The following ROCK2 variants were observed in gnomAD, a reference collection of about 807,000 sequenced individuals.
ROCK2 encodes Rho associated coiled-coil containing protein kinase 2.
ROCK2 carries 61 observed loss-of-function variants against 195.1 expected under a neutral mutation model. That is an observed-to-expected ratio of 0.31 (90% CI 0.25 to 0.39). The LOEUF (loss-of-function observed/expected upper bound fraction) is 0.39, where lower values mean the gene tolerates loss of function less well. Ranked by LOEUF, ROCK2 falls within the 10% of genes least tolerant of loss-of-function variation. The pLI, the probability that ROCK2 is intolerant of heterozygous loss-of-function variation, is 1.00. For synonymous variants in ROCK2, 504 were observed against 545.5 expected (o/e 0.92, Z 1.06); for missense variants, 1,109 against 1,637.4 (o/e 0.68, Z 5.57).
At chr2:11,274,097 T>A (rs35515036) in intron 3 of ROCK2, among the ~76,000 whole-genome samples, 60,283 of 151,276 alleles carry the variant, frequency 0.4, 13,533 homozygotes, top group Admixed American at 0.52. Context: ...CTTAACGGAA[T>A]ACAGCAAAAG....
Position 11,287,793 on chromosome 2 carries a change from A to T in ROCK2, c.142-57T>A, listed in dbSNP as rs185337507. 2.7e-4 allele frequency: 184 copies of T among 693,852 alleles called. No individual in the cohort carries two copies. In the African/African-American group the frequency reaches 2.8e-3, roughly 11 times the overall value. The allele number at this position is 693,852 out of a possible 1,614,324, so 43.0% of individuals were successfully genotyped here. ...TTTTACAATTTCCAAGCATTCATTT[A>T]AAAAAGTCTTTTAATTTTATTTATG... On this transcript the variant is annotated intron_variant, in intron 1 of 32. Coordinates refer to ENST00000315872, the MANE Select transcript of ROCK2 (RefSeq NM_004850.5).
At chr2:11,276,035 T>G (rs1025598431) in intron 3 of ROCK2, among the ~76,000 whole-genome samples, 4 of 152,082 alleles carry the variant, frequency 2.6e-5, no homozygotes, top group African/African-American at 9.7e-5. Context: ...AAGAAAACAC[T>G]GAACAAACCA....
intron 3 of ROCK2, among the ~76,000 whole-genome samples, chr2:11,263,498 T>C (rs1170472147): frequency 1.3e-5 from 2 of 151,902 alleles, no homozygotes; most frequent in Non-Finnish European, 2.9e-5. Flanking sequence ...CTAAGTAAGA[T>C]AATCTTCCCG....
rs2148076808 is a variant in ROCK2 at position 11,222,244 on chromosome 2, G to T, written c.1008-70C>A. ...TAAAAAGATTAACTCTATGTCAACA[G>T]TTTAACCAAAATAAAGATCTCAAGT... On this transcript the variant is annotated intron_variant, in intron 7 of 32. Coordinates refer to ENST00000315872, the MANE Select transcript of ROCK2 (RefSeq NM_004850.5). 7 of 831,638 alleles carry T rather than the reference G, an allele frequency of 8.4e-6. No homozygotes were observed. In the East Asian group the frequency reaches 1.9e-4, roughly 22 times the overall value. The allele number at this position is 831,638 out of a possible 1,614,324, so 51.5% of individuals were successfully genotyped here. A position where few individuals can be genotyped will look rare whatever the true frequency, so the allele number is the denominator to read the frequency against.
intron 3 of ROCK2, among the ~76,000 whole-genome samples, chr2:11,263,436 C>T (rs1666302741): frequency 6.6e-6 from 1 of 151,970 alleles, no homozygotes. Flanking sequence ...AGTAAGGGTT[C>T]TCCTTTTCTT....
chr2:11,268,616 C>T (rs1666512315), intron 3 of ROCK2, among the ~76,000 whole-genome samples: 1 of 151,940 alleles, frequency 6.6e-6, no homozygotes, highest in Non-Finnish European at 1.5e-5. Flanking sequence ...GGCCCACTGT[C>T]TCCTGGCCTC....
In ROCK2 at chr2:11,180,837, TA is replaced by T. The variant is rs1179748819; in HGVS notation, c.*2599del. ...TGATAGGTGCATGCACTCATGTATGTACATGAAAGCGGCAATGCGGTAAAAA... is the reference window on the plus strand; with the variant it reads ...TGATAGGTGCATGCACTCATGTATGTCATGAAAGCGGCAATGCGGTAAAAA... On this transcript the variant is annotated 3_prime_UTR_variant, in exon 33 of 33. Transcript: ENST00000315872. The T allele has an allele frequency of 6.6e-6, 1 of 152,210 alleles. No individual in the cohort carries two copies. Among genetic ancestry groups the T allele is most frequent in the African/African-American group, 2.4e-5 (1 of 41,448 alleles). The allele number at this position is 152,210 out of a possible 1,614,324, so 9.4% of individuals were successfully genotyped here. A position where few individuals can be genotyped will look rare whatever the true frequency, so the allele number is the denominator to read the frequency against.
intron 3 of ROCK2, among the ~76,000 whole-genome samples, chr2:11,252,094 A>G (rs1486712103): frequency 1.3e-5 from 2 of 152,190 alleles, no homozygotes; most frequent in Non-Finnish European, 2.9e-5. Context: ...ACTGTGGAAG[A>G]CAGTGTGGCA....
At chr2:11,258,840 G>C (rs1177885558) in intron 3 of ROCK2, among the ~76,000 whole-genome samples, 1 of 150,938 alleles carries the variant, frequency 6.6e-6, no homozygotes, top group Non-Finnish European at 1.5e-5. Flanking sequence ...GGGGTAAAGA[G>C]GACACTGGTG....
At chr2:11,284,038 T>G (rs1667106504) in intron 3 of ROCK2, among the ~76,000 whole-genome samples, 1 of 152,186 alleles carries the variant, frequency 6.6e-6, no homozygotes, top group East Asian at 1.9e-4. Flanking sequence ...ATGGATAAAC[T>G]TTGGTACAGC....
intron 1 of ROCK2, among the ~76,000 whole-genome samples, chr2:11,328,149 CT>C (rs980193058): frequency 1.0e-3 from 156 of 152,310 alleles, no homozygotes; most frequent in African/African-American, 3.3e-3. Context: ...CCCACCAAGA[CT>C]TTGTCTTACT....
chr2:11,188,326 T>C (rs1663279027), intron 32 of ROCK2, among the ~76,000 whole-genome samples: 1 of 152,044 alleles, frequency 6.6e-6, no homozygotes, highest in South Asian at 2.1e-4. Context: ...GCCAGGCTTG[T>C]CTTGAACTCC....
chr2:11,229,882 T>C (rs1236115630), intron 5 of ROCK2, among the ~76,000 whole-genome samples: 2 of 152,200 alleles, frequency 1.3e-5, no homozygotes, highest in East Asian at 1.9e-4. Context: ...AGTAAATATA[T>C]TGCAGATAAT....
At chr2:11,278,999 C>T (rs2148180318) in intron 3 of ROCK2, among the ~76,000 whole-genome samples, 1 of 149,352 alleles carries the variant, frequency 6.7e-6, no homozygotes. Flanking sequence ...AAAAAGTAGA[C>T]AAACACTATA....
chr2:11,192,178 G>C lies in ROCK2; in HGVS notation c.4133C>G (p.Pro1378Arg). 1 of 1,610,200 alleles carries C rather than the reference G, an allele frequency of 6.2e-7. No homozygotes were observed. Among genetic ancestry groups the C allele is most frequent in the Non-Finnish European group, 8.5e-7 (1 of 1,178,220 alleles). ...KIQQNQSIRR[P>R]SRQLAPNKPS ...TTTGTTTGGGGCAAGCTGTCGACTTGGCCGTCTAATAGACTGGTTTTGCTG... is the reference window on the plus strand; with the variant it reads ...TTTGTTTGGGGCAAGCTGTCGACTTCGCCGTCTAATAGACTGGTTTTGCTG... The change falls in exon 32 of 33, where the codon CCA becomes CGA. Residue 1378 changes from proline (P) to arginine (R), a missense_variant. Pro to Arg is a moderately radical substitution (Grantham distance 103). Coordinates refer to ENST00000315872, the MANE Select transcript of ROCK2 (RefSeq NM_004850.5). This position sits in a 1 kb window ranked among gnomAD's most constrained non-coding sequence, Gnocchi z 5.0.
intron 6 of ROCK2, 68 bp from the exon 7 acceptor site, chr2:11,224,528 C>T (rs1664748014): frequency 7.2e-7 from 1 of 1,390,572 alleles, no homozygotes; most frequent in African/African-American, 1.4e-5. Context: ...TCACCTAGTA[C>T]TTAAATATGT....
chr2:11,320,354 A>C (rs1374306069), intron 1 of ROCK2, among the ~76,000 whole-genome samples: 1 of 152,168 alleles, frequency 6.6e-6, no homozygotes, highest in Non-Finnish European at 1.5e-5. Flanking sequence ...TTCTTTACCC[A>C]CTACCAGGTT....
At chr2:11,185,521 G>T (rs1050411663) in intron 32 of ROCK2, among the ~76,000 whole-genome samples, 1 of 152,196 alleles carries the variant, frequency 6.6e-6, no homozygotes, top group Non-Finnish European at 1.5e-5. Context: ...CTGAGGTGAG[G>T]AGTTCAAGAC....
chr2:11,193,642 T>C (rs574822700), intron 30 of ROCK2, 137 bp downstream of exon 30: 5 of 441,002 alleles, frequency 1.1e-5, no homozygotes, highest in African/African-American at 6.2e-5. Context: ...CATCTTTAAA[T>C]AGGACTGAAA....
Sources: gnomAD v4.1 joint callset for allele counts (sites outside exome capture counted in the v4.1 genomes callset) on GRCh38, gnomAD v4.1.1 for gene constraint, Gnocchi (gnomAD v3.1) non-coding constraint, MANE v1.5 for transcripts, NCBI Gene and HGNC (gene_info 2026-07-23, HGNC 2026-07-21) for gene names.